The following PCSK2 variants were observed in gnomAD, a reference collection of about 807,000 sequenced individuals.
The protein encoded by PCSK2 is proprotein convertase subtilisin/kexin type 2.
PCSK2 carries 14 observed loss-of-function variants against 69.7 expected under a neutral mutation model. The observed-to-expected ratio is 0.20, with a 90% CI of 0.13 to 0.31. The LOEUF is 0.31. Ranked by LOEUF, PCSK2 falls within the 10% of genes least tolerant of loss-of-function variation. The pLI is 1.00. For synonymous variants in PCSK2, 307 were observed against 320.7 expected (o/e 0.96, Z 0.46); for missense variants, 544 against 842.5 (o/e 0.65, Z 4.39).
At chr20:17,454,523 G>C (rs1292693762) in intron 9 of PCSK2, among the ~76,000 whole-genome samples, 1 of 151,946 alleles carries the variant, frequency 6.6e-6, no homozygotes, top group African/African-American at 2.4e-5. Context: ...CAGATTTATT[G>C]TTTGTTGCTC....
At chr20:17,334,533 G>A (rs568474282) in intron 2 of PCSK2, among the ~76,000 whole-genome samples, 1 of 152,292 alleles carries the variant, frequency 6.6e-6, no homozygotes, top group African/African-American at 2.4e-5. Flanking sequence ...GGGGGGCAAT[G>A]AGTCCAGGGC....
chr20:17,377,463 C>T (rs939448191), intron 5 of PCSK2, among the ~76,000 whole-genome samples: 1 of 152,212 alleles, frequency 6.6e-6, no homozygotes, highest in Non-Finnish European at 1.5e-5. Flanking sequence ...CATGTGGCCT[C>T]CATGATAAAA....
At chr20:17,286,044 A>C (rs1382843445) in intron 2 of PCSK2, among the ~76,000 whole-genome samples, 3 of 152,312 alleles carry the variant, frequency 2.0e-5, no homozygotes, top group Admixed American at 6.5e-5. Context: ...GAAAGCCTGC[A>C]AAAAAATGCA....
intron 5 of PCSK2, among the ~76,000 whole-genome samples, chr20:17,383,007 T>A (rs2031130097): frequency 6.6e-6 from 1 of 152,190 alleles, no homozygotes; most frequent in Admixed American, 6.5e-5. Flanking sequence ...TTTTGTTTTG[T>A]TGCATGTGTT....
chr20:17,242,483 T>TTATAGTTC (rs767737582), intron 1 of PCSK2, among the ~76,000 whole-genome samples: 1 of 152,226 alleles, frequency 6.6e-6, no homozygotes, highest in African/African-American at 2.4e-5. Flanking sequence ...ACAAGCACAC[T>TTATAGTTC]TATAGTTCTA....
intron 2 of PCSK2, among the ~76,000 whole-genome samples, chr20:17,315,800 T>A (rs1045343292): frequency 3.9e-5 from 6 of 152,206 alleles, no homozygotes; most frequent in Admixed American, 3.9e-4. Flanking sequence ...TGCGGCGTCC[T>A]GGCCCGTGGC....
At chr20:17,345,761 C>T (rs1990634329) in intron 2 of PCSK2, among the ~76,000 whole-genome samples, 1 of 152,144 alleles carries the variant, frequency 6.6e-6, no homozygotes, top group Non-Finnish European at 1.5e-5. Context: ...CGGTTTGGGG[C>T]ATAGTCTTTA....
intron 5 of PCSK2, among the ~76,000 whole-genome samples, chr20:17,401,618 C>T (rs370526238): frequency 1.3e-5 from 2 of 152,190 alleles, no homozygotes; most frequent in South Asian, 2.1e-4. Flanking sequence ...AATTACACAT[C>T]TGTGAAATGC....
chr20:17,248,612 T>C (rs1027345355), intron 1 of PCSK2, among the ~76,000 whole-genome samples: 4 of 152,224 alleles, frequency 2.6e-5, no homozygotes, highest in Non-Finnish European at 5.9e-5. Context: ...GTTAGGTTCA[T>C]GATCAGTCAA....
chr20:17,245,067 C>T (rs1163978673), intron 1 of PCSK2, among the ~76,000 whole-genome samples: 1 of 152,098 alleles, frequency 6.6e-6, no homozygotes, highest in Non-Finnish European at 1.5e-5. Context: ...ACCTCAGGTA[C>T]CCACCAACCA....
At chr20:17,383,761 T>A (rs958714974) in intron 5 of PCSK2, among the ~76,000 whole-genome samples, 8 of 152,210 alleles carry the variant, frequency 5.3e-5, no homozygotes, top group African/African-American at 1.9e-4. Flanking sequence ...GACACTCTAT[T>A]CACAAGTCTC....
chr20:17,390,916 G>A (rs1307590616), intron 5 of PCSK2, among the ~76,000 whole-genome samples: 1 of 152,024 alleles, frequency 6.6e-6, no homozygotes, highest in Admixed American at 6.6e-5. Flanking sequence ...ACAGTACACC[G>A]TATCATGCAA....
intron 2 of PCSK2, among the ~76,000 whole-genome samples, chr20:17,337,180 G>C (rs567126217): frequency 2.0e-4 from 31 of 152,318 alleles, no homozygotes; most frequent in Admixed American, 9.8e-4. Flanking sequence ...GGATGGAGAA[G>C]AGCCCTGTTT....
chr20:17,299,395 T>C (rs184693404), intron 2 of PCSK2, among the ~76,000 whole-genome samples: 12 of 152,318 alleles, frequency 7.9e-5, no homozygotes, highest in Admixed American at 7.8e-4. Context: ...CCCTAAATTT[T>C]ATTTCAATTA....
intron 2 of PCSK2, among the ~76,000 whole-genome samples, chr20:17,305,005 A>G (rs1298531073): frequency 6.6e-6 from 1 of 152,092 alleles, no homozygotes; most frequent in African/African-American, 2.4e-5. Context: ...ATCTCATTTC[A>G]CAAGCCTAGT....
intron 11 of PCSK2, among the ~76,000 whole-genome samples, chr20:17,480,011 A>C (rs1433964629): frequency 6.6e-6 from 1 of 151,562 alleles, no homozygotes; most frequent in African/African-American, 2.4e-5. Context: ...AGAACCTTTG[A>C]GCTTCTCCCA....
At chr20:17,379,783 C>T (rs745607999) in intron 5 of PCSK2, among the ~76,000 whole-genome samples, 9 of 152,154 alleles carry the variant, frequency 5.9e-5, no homozygotes, top group Non-Finnish European at 1.2e-4. Context: ...CATCAAGGCG[C>T]CTAATCAGTT....
At chr20:17,348,090 A>AGAAAGAATGAAT (rs1555790049) in intron 2 of PCSK2, among the ~76,000 whole-genome samples, 1 of 142,702 alleles carries the variant, frequency 7.0e-6, no homozygotes, top group Non-Finnish European at 1.5e-5. Context: ...AAAGAAAGAA[A>AGAAAGAATGAAT]GAAAGAAAGA....
At chr20:17,287,560 A>G (rs143328901) in intron 2 of PCSK2, among the ~76,000 whole-genome samples, 54 of 152,262 alleles carry the variant, frequency 3.5e-4, no homozygotes, top group Admixed American at 1.5e-3. Flanking sequence ...CTGCTCAAGC[A>G]TAGGAGCAAG....
Sources: allele counts gnomAD v4.1 joint callset (sites outside exome capture counted in the v4.1 genomes callset), GRCh38; gene constraint gnomAD v4.1.1; transcripts MANE v1.5; gene names NCBI Gene and HGNC (gene_info 2026-07-23, HGNC 2026-07-21).